Variants in SVOP observed in about 807,000 individuals in gnomAD.
SVOP encodes synaptic vesicle 2-related protein.
Under a neutral mutation model 69.1 loss-of-function variants are expected in SVOP, and 17 were observed. The ratio of observed to expected loss-of-function variants is 0.25; its 90% CI spans 0.17 to 0.37. The LOEUF is 0.37. Among genes scored for constraint, SVOP ranks in the 10% least tolerant of loss-of-function variants. The pLI, the probability that SVOP is intolerant of heterozygous loss-of-function variation, is 1.00. For missense variants in SVOP, 435 were observed against 597.5 expected (o/e 0.73, Z 2.84); for synonymous variants, 238 against 238.6 (o/e 1.00, Z 0.02).
chr12:108,919,589 C>A, intron 13 of SVOP, 86 bp downstream of exon 13: 1 of 1,035,942 alleles, frequency 9.7e-7, no homozygotes, highest in Non-Finnish European at 1.4e-6. Flanking sequence ...ACACCTGGCC[C>A]GCACATCTAC....
At chr12:108,962,299 A>G (rs2040022362) in intron 5 of SVOP, among the ~76,000 whole-genome samples, 1 of 151,998 alleles carries the variant, frequency 6.6e-6, no homozygotes, top group African/African-American at 2.4e-5. Context: ...GGGTTTCACC[A>G]TGTTGCCCAG....
chr12:108,927,228 T>C (rs2039786017), intron 11 of SVOP, among the ~76,000 whole-genome samples: 1 of 152,202 alleles, frequency 6.6e-6, no homozygotes, highest in African/African-American at 2.4e-5. Context: ...TGGTCCTTTG[T>C]CTCTGACCCA....
Position 108,919,803 on chromosome 12 carries a change from G to A in SVOP, c.1157-17C>T, listed in dbSNP as rs1248768737. The A allele has an allele frequency of 6.5e-7, 1 of 1,545,644 alleles. No individual in the cohort carries two copies. The highest frequency in any genetic ancestry group is 8.8e-7 in the Non-Finnish European group (1 of 1,134,496). ...CAAGGACACCTGGAAGGGGAGTGGGGAGAGATAGGCAGCTTCCGATGTGAT... is the reference window on the plus strand; with the variant it reads ...CAAGGACACCTGGAAGGGGAGTGGGAAGAGATAGGCAGCTTCCGATGTGAT... On this transcript the variant is annotated splice_polypyrimidine_tract_variant and intron_variant, in intron 12 of 15. Coordinates refer to ENST00000610966, the MANE Select transcript of SVOP (RefSeq NM_018711.5).
At chr12:109,019,624 C>T (rs931274285) in intron 1 of SVOP, among the ~76,000 whole-genome samples, 12 of 152,032 alleles carry the variant, frequency 7.9e-5, no homozygotes, top group Admixed American at 1.3e-4. Flanking sequence ...GTTATATCTA[C>T]GTCTGGATAT....
intron 14 of SVOP, 119 bp from the exon 15 acceptor site, chr12:108,915,991 T>A: frequency 2.2e-6 from 2 of 910,674 alleles, no homozygotes; most frequent in Middle Eastern, 3.3e-4. Context: ...ATCCCTCCAG[T>A]GCTGGTGACG....
chr12:108,942,461 T>C (rs2137407799), intron 7 of SVOP, among the ~76,000 whole-genome samples: 1 of 152,374 alleles, frequency 6.6e-6, no homozygotes, highest in East Asian at 1.9e-4. Flanking sequence ...TTTCCACTTT[T>C]GTATGGGTTC....
chr12:108,958,723 C>T (rs2039999768), intron 6 of SVOP, among the ~76,000 whole-genome samples: 1 of 152,148 alleles, frequency 6.6e-6, no homozygotes, highest in Non-Finnish European at 1.5e-5. Context: ...AGCTGAGTCC[C>T]TTGCAGAAGT....
At chr12:108,980,899 T>C (rs933577316) in intron 2 of SVOP, among the ~76,000 whole-genome samples, 110 of 152,320 alleles carry the variant, frequency 7.2e-4, no homozygotes, top group Non-Finnish European at 5.6e-4. Context: ...CACTCCAGCC[T>C]GGGTGACAGA....
Position 108,934,188 on chromosome 12 carries a change from TA to T in SVOP, c.1048+6del. On this transcript the variant is annotated splice_donor_region_variant and intron_variant, in intron 11 of 15. Coordinates refer to ENST00000610966, the MANE Select transcript of SVOP (RefSeq NM_018711.5). ...AGTTAGCTGGCAAAGACAACCAAGA[TA>T]CTCACTGCCGCAGACATCTCCTGCC... The T allele has an allele frequency of 6.3e-7, 1 of 1,596,918 alleles. No individual in the cohort carries two copies. Among genetic ancestry groups the T allele is most frequent in the Non-Finnish European group, 8.5e-7 (1 of 1,171,692 alleles).
intron 5 of SVOP, among the ~76,000 whole-genome samples, chr12:108,964,064 G>C (rs1262494516): frequency 6.6e-6 from 1 of 152,012 alleles, no homozygotes; most frequent in Non-Finnish European, 1.5e-5. Flanking sequence ...TATAAAGAAA[G>C]TTATTCAGGT....
At chr12:108,968,608 G>T (rs1191948414) in intron 5 of SVOP, among the ~76,000 whole-genome samples, 1 of 152,074 alleles carries the variant, frequency 6.6e-6, no homozygotes, top group Non-Finnish European at 1.5e-5. Flanking sequence ...CAAAGTTAAG[G>T]TATTTTTACT....
At chr12:108,981,740 C>A (rs1566062137) in intron 2 of SVOP, among the ~76,000 whole-genome samples, 1 of 152,158 alleles carries the variant, frequency 6.6e-6, no homozygotes, top group Non-Finnish European at 1.5e-5. Flanking sequence ...AACATGTAAA[C>A]TGGTTAGAGC....
Position 108,912,489 on chromosome 12 carries a change from C to T in SVOP, c.*46G>A. 6.2e-7 allele frequency: 1 copy of T among 1,609,370 alleles called. No homozygotes were observed. ...TGCCCCAGTTGGGGCCTGCCAGCCC[C>T]CCAAGCTCTGCAGCCTCAAAGACCA... On this transcript the variant is annotated 3_prime_UTR_variant, in exon 16 of 16. Transcript: ENST00000610966.
chr12:108,961,085 C>T, intron 5 of SVOP, 38 bp from the exon 6 acceptor site: 1 of 1,523,750 alleles, frequency 6.6e-7, no homozygotes, highest in Non-Finnish European at 8.8e-7. Flanking sequence ...AAGGGCTTTT[C>T]AGCACCTCCA....
At chr12:108,977,223 A>T (rs1466653260) in intron 4 of SVOP, among the ~76,000 whole-genome samples, 175 bp downstream of exon 4, 2 of 152,212 alleles carry the variant, frequency 1.3e-5, no homozygotes, top group Admixed American at 1.3e-4. Context: ...CTCCGGGTGA[A>T]GTAGAGTTGG....
At chr12:109,002,837 T>G in intron 1 of SVOP, among the ~76,000 whole-genome samples, 1 of 145,560 alleles carries the variant, frequency 6.9e-6, no homozygotes, top group African/African-American at 2.5e-5. Flanking sequence ...AGGGATAGCA[T>G]TGGGAGATAT....
At chr12:109,009,043 C>T (rs755470180) in intron 1 of SVOP, among the ~76,000 whole-genome samples, 1 of 146,024 alleles carries the variant, frequency 6.8e-6, no homozygotes, top group East Asian at 2.0e-4. Context: ...CTCACTGCAG[C>T]GTCTGCTTCC....
In SVOP at chr12:108,970,577, C is replaced by G. The variant is rs1331079502; in HGVS notation, c.453+1828G>C. Among the ~76,000 whole-genome samples, 3 of 143,070 alleles carry G rather than the reference C, an allele frequency of 2.1e-5. No individual in the cohort carries two copies. The Admixed American group carries it at 2.3e-4, about 11-fold the overall frequency. The allele number at this position is 143,070 out of a possible 152,430, so 93.9% of individuals were successfully genotyped here. On this transcript the variant is annotated intron_variant, in intron 5 of 15. Transcript: ENST00000610966. ...CTAGGTTTGTTGAGGTAGCCCATTC[C>G]CAGCTCCAGTAGTAGGTTATTCTTA...
At chr12:108,973,205 G>A (rs1461252376) in intron 4 of SVOP, among the ~76,000 whole-genome samples, 1 of 152,102 alleles carries the variant, frequency 6.6e-6, no homozygotes, top group Non-Finnish European at 1.5e-5. Flanking sequence ...GCCCTACTTG[G>A]TGGGTGCTTA....
Sources: allele counts gnomAD v4.1 joint callset (sites outside exome capture counted in the v4.1 genomes callset), GRCh38; gene constraint gnomAD v4.1.1; transcripts MANE v1.5; gene names NCBI Gene and HGNC (gene_info 2026-07-23, HGNC 2026-07-21).